Variants in CUX2 observed in about 807,000 individuals in gnomAD.
CUX2 encodes the protein cut like homeobox 2, also known as homeobox protein cut-like 2.
CUX2 carries 40 observed loss-of-function variants against 144.8 expected under a neutral mutation model. That is an observed-to-expected ratio of 0.28 (90% CI 0.21 to 0.36). CUX2 has a LOEUF of 0.36. Ranked by LOEUF, CUX2 falls within the 10% of genes least tolerant of loss-of-function variation. The probability of loss-of-function intolerance (pLI) is 1.00; values close to 1 mark genes in which losing one functional copy is unlikely to be tolerated. For synonymous variants in CUX2, 827 were observed against 875.6 expected, an observed-to-expected ratio of 0.94 and a Z score of 0.98; for missense variants, 1,615 against 1,994.0, an observed-to-expected ratio of 0.81 and a Z score of 3.62.
rs1275191865 is a variant in CUX2, at chr12:111,160,462, C to T, written c.64-53738C>T. Among the ~76,000 whole-genome samples the T allele has an allele frequency of 6.6e-6, 1 of 152,136 alleles. No individual in the cohort carries two copies. The highest frequency in any genetic ancestry group is 1.5e-5 in the Non-Finnish European group (1 of 68,026). On this transcript the variant is annotated intron_variant, in intron 1 of 21. Coordinates refer to ENST00000261726, the MANE Select transcript of CUX2 (RefSeq NM_015267.4). The surrounding 1 kb of genome is among the most constrained non-coding windows in gnomAD (Gnocchi z 4.1). ...TGTGTCTGAGCCTTCATCTCTGTGC[C>T]TGTGTGTCTGCATGTGCACACGTGC...
chr12:111,301,218 T>C (rs902531713), intron 9 of CUX2, among the ~76,000 whole-genome samples: 4 of 152,178 alleles, frequency 2.6e-5, no homozygotes, highest in Admixed American at 2.6e-4. Context: ...ATGAGGATGC[T>C]GGGGTACAGC....
intron 1 of CUX2, among the ~76,000 whole-genome samples, chr12:111,148,669 T>C (rs1222260936): frequency 6.6e-6 from 1 of 152,148 alleles, no homozygotes; most frequent in African/African-American, 2.4e-5. Context: ...CTGTAATTCC[T>C]CCGATAATCC....
intron 1 of CUX2, among the ~76,000 whole-genome samples, chr12:111,175,540 A>T (rs990652915): frequency 6.6e-6 from 1 of 152,098 alleles, no homozygotes; most frequent in Non-Finnish European, 1.5e-5. Context: ...TGGCCTCTCT[A>T]AGCTGTGTGC....
intron 1 of CUX2, among the ~76,000 whole-genome samples, chr12:111,073,002 T>G (rs972609629): frequency 3.3e-5 from 5 of 152,186 alleles, no homozygotes; most frequent in Non-Finnish European, 7.4e-5. Context: ...ACTTAAGAGA[T>G]AAATTTTTGT....
chr12:111,345,709 G>A (rs548441606), intron 21 of CUX2, among the ~76,000 whole-genome samples: 21 of 147,982 alleles, frequency 1.4e-4, no homozygotes, highest in African/African-American at 3.0e-4. Flanking sequence ...GCACTCCAGC[G>A]TGGGTGACAG....
intron 1 of CUX2, among the ~76,000 whole-genome samples, chr12:111,197,533 G>C (rs966468889): frequency 6.6e-6 from 1 of 152,238 alleles, no homozygotes. Context: ...TGGCTTGTTG[G>C]CAAGCAGCGT....
chr12:111,194,516 A>T (rs1055890072), intron 1 of CUX2, among the ~76,000 whole-genome samples: 1 of 152,180 alleles, frequency 6.6e-6, no homozygotes, highest in Admixed American at 6.5e-5. Flanking sequence ...TTTCTGGAGA[A>T]CTAGACTCCC....
At chr12:111,345,622 G>A (rs1208716843) in intron 21 of CUX2, among the ~76,000 whole-genome samples, 4 of 151,340 alleles carry the variant, frequency 2.6e-5, no homozygotes, top group Non-Finnish European at 5.9e-5. Context: ...GGCGCCTGTA[G>A]TCCCAGCTAC....
At chr12:111,096,957 A>G (rs778207053) in intron 1 of CUX2, among the ~76,000 whole-genome samples, 5 of 152,116 alleles carry the variant, frequency 3.3e-5, no homozygotes, top group Non-Finnish European at 7.4e-5. Context: ...AGCCTGGGCA[A>G]CAAAGCAGGG....
intron 4 of CUX2, among the ~76,000 whole-genome samples, chr12:111,278,180 G>T (rs1884969511): frequency 6.6e-6 from 1 of 152,202 alleles, no homozygotes; most frequent in Non-Finnish European, 1.5e-5. Flanking sequence ...ACTTTGGGAG[G>T]CTGAGGTGGG....
chr12:111,235,407 G>A (rs1172245895), intron 3 of CUX2, among the ~76,000 whole-genome samples: 1 of 152,206 alleles, frequency 6.6e-6, no homozygotes, highest in East Asian at 1.9e-4. Flanking sequence ...TCAGAGTTGG[G>A]TTGTGCTTTG....
intron 3 of CUX2, among the ~76,000 whole-genome samples, chr12:111,225,356 G>A (rs1882079540): frequency 6.6e-6 from 1 of 152,204 alleles, no homozygotes; most frequent in Non-Finnish European, 1.5e-5. Flanking sequence ...AGGTGACTGA[G>A]GCTCAGCCCG....
At chr12:111,147,853 A>G (rs1876792178) in intron 1 of CUX2, among the ~76,000 whole-genome samples, 1 of 152,132 alleles carries the variant, frequency 6.6e-6, no homozygotes, top group Non-Finnish European at 1.5e-5. Context: ...CGAGTCCTCC[A>G]GGGGGCCCAG....
chr12:111,173,657 T>G (rs1299937367), intron 1 of CUX2, among the ~76,000 whole-genome samples: 1 of 152,188 alleles, frequency 6.6e-6, no homozygotes, highest in African/African-American at 2.4e-5. Context: ...TGTTGGGGTG[T>G]TGGTCTGCTG....
rs188449284 is a variant in CUX2, at chr12:111,119,686, G to A, written c.63+85446G>A. 2.6e-5 allele frequency among the ~76,000 whole-genome samples: 4 copies of A among 152,302 alleles called. No homozygotes were observed. The East Asian group carries it at 5.8e-4, about 22-fold the overall frequency. ...GTCTTGTTCTCTCAGTCTAGTGCCC[G>A]ACCTTTGGGTCTCATGTAACAACAA... On this transcript the variant is annotated intron_variant, in intron 1 of 21. Coordinates refer to ENST00000261726, the MANE Select transcript of CUX2 (RefSeq NM_015267.4).
chr12:111,243,817 C>T (rs75297943), intron 3 of CUX2, among the ~76,000 whole-genome samples: 1,973 of 152,226 alleles, frequency 0.013, 57 homozygotes, highest in African/African-American at 0.046. Flanking sequence ...CCCAGGCAAA[C>T]TGAGACAAGT....
At chr12:111,283,364 C>T (rs533239898) in intron 4 of CUX2, among the ~76,000 whole-genome samples, 1 of 152,262 alleles carries the variant, frequency 6.6e-6, no homozygotes, top group South Asian at 2.1e-4. Context: ...CCGCCGTGCT[C>T]AGCCATTGGA....
In CUX2 at chr12:111,334,694, C is replaced by G. The variant is rs768756120; in HGVS notation, c.3180C>G (p.Leu1060=). ...YSITKRVKEV[L]TDNNLGQRLF... Reference sequence around the variant, plus strand: ...TCACCAAGAGGGTGAAGGAGGTCCTCACAGACAACAATCTAGGTACGGAGC... The same window carrying G: ...TCACCAAGAGGGTGAAGGAGGTCCTGACAGACAACAATCTAGGTACGGAGC... Residue 1060 remains leucine, a synonymous_variant, in exon 19 of 22, where the codon CTC becomes CTG. Coordinates refer to ENST00000261726, the MANE Select transcript of CUX2 (RefSeq NM_015267.4). 1.9e-6 allele frequency: 3 copies of G among 1,609,954 alleles called. No homozygotes were observed. In the South Asian group the frequency reaches 3.3e-5, roughly 18 times the overall value.
chr12:111,195,493 A>G (rs551767074), intron 1 of CUX2, among the ~76,000 whole-genome samples: 3 of 152,366 alleles, frequency 2.0e-5, no homozygotes, highest in East Asian at 3.9e-4. Flanking sequence ...TGAGATTTCA[A>G]GGGTACAGAA....
Sources: allele counts gnomAD v4.1 joint callset (sites outside exome capture counted in the v4.1 genomes callset), GRCh38; gene constraint gnomAD v4.1.1; non-coding constraint Gnocchi (gnomAD v3.1); transcripts MANE v1.5; gene names NCBI Gene and HGNC (gene_info 2026-07-23, HGNC 2026-07-21).